The following LTN1 variants were observed in gnomAD, a reference collection of about 807,000 sequenced individuals.
LTN1 encodes the protein listerin E3 ubiquitin protein ligase 1.
In LTN1, 88 loss-of-function variants were observed where a neutral mutation model predicts 201.2. The ratio of observed to expected loss-of-function variants is 0.44; its 90% CI spans 0.37 to 0.52. The LOEUF is 0.52. Ranked by LOEUF, LTN1 falls within the 20% of genes least tolerant of loss-of-function variation. The pLI, the probability that LTN1 is intolerant of heterozygous loss-of-function variation, is 0.00. For synonymous variants in LTN1, 645 were observed against 713.5 expected (o/e 0.90, Z 1.53); for missense variants, 1,752 against 2,038.7 (o/e 0.86, Z 2.71).
chr21:28,940,904 A>T (rs1438643813), intron 25 of LTN1, among the ~76,000 whole-genome samples: 1 of 152,162 alleles, frequency 6.6e-6, no homozygotes, highest in African/African-American at 2.4e-5. Flanking sequence ...TCTGGGCAAC[A>T]CGGTGAAACC....
intron 25 of LTN1, among the ~76,000 whole-genome samples, chr21:28,940,520 T>C (rs1413803490): frequency 1.3e-5 from 2 of 152,068 alleles, no homozygotes; most frequent in Non-Finnish European, 2.9e-5. Context: ...AAATTTCCAA[T>C]GATGTATTAA....
intron 1 of LTN1, 44 bp downstream of exon 1, chr21:28,992,720 C>G: frequency 1.2e-6 from 2 of 1,611,698 alleles, no homozygotes; most frequent in South Asian, 1.1e-5. Context: ...AGCCAGCCGC[C>G]TCGAAGCGAG....
intron 17 of LTN1, among the ~76,000 whole-genome samples, 197 bp downstream of exon 17, chr21:28,953,020 A>T (rs1356241168): frequency 6.6e-6 from 1 of 152,244 alleles, no homozygotes; most frequent in Non-Finnish European, 1.5e-5. Flanking sequence ...TAAGACAGGC[A>T]GAATACAAAT....
At chr21:28,988,189 A>G (rs2084715670) in intron 1 of LTN1, among the ~76,000 whole-genome samples, 2 of 150,560 alleles carry the variant, frequency 1.3e-5, no homozygotes, top group African/African-American at 2.4e-5. Flanking sequence ...CATACCGGCC[A>G]GGCAAGGTGG....
At chr21:28,972,458 G>A (rs2084582985) in intron 6 of LTN1, among the ~76,000 whole-genome samples, 1 of 150,274 alleles carries the variant, frequency 6.7e-6, no homozygotes, top group African/African-American at 2.5e-5. Flanking sequence ...ATATCCACGG[G>A]TTCCTCATCT....
chr21:28,960,946 C>T (rs912030081), intron 11 of LTN1: 4 of 334,778 alleles, frequency 1.2e-5, no homozygotes, highest in Admixed American at 9.2e-5. Flanking sequence ...CCCACCCCCC[C>T]CTTTTTTTTT....
intron 6 of LTN1, among the ~76,000 whole-genome samples, chr21:28,973,586 G>C (rs1188760622): frequency 6.6e-6 from 1 of 151,992 alleles, no homozygotes; most frequent in Non-Finnish European, 1.5e-5. Context: ...CAAACTTCTA[G>C]CTATGCCAAG....
intron 11 of LTN1, 54 bp from the exon 12 acceptor site, chr21:28,960,760 G>A: frequency 8.2e-7 from 1 of 1,221,676 alleles, no homozygotes; most frequent in Admixed American, 1.9e-5. Context: ...TACTCTCTCT[G>A]TCCAAAATAT....
chr21:28,971,493 A>G (rs2084574793), intron 6 of LTN1, 49 bp from the exon 7 acceptor site: 2 of 1,546,302 alleles, frequency 1.3e-6, no homozygotes, highest in African/African-American at 2.7e-5. Context: ...AAAACTTGAT[A>G]AGATTTTTAA....
chr21:28,944,687 T>C (rs1170266608), intron 21 of LTN1, 91 bp from the exon 22 acceptor site: 5 of 915,046 alleles, frequency 5.5e-6, no homozygotes, highest in Non-Finnish European at 6.6e-6. Context: ...CACTTTCATT[T>C]CTTTGAATTT....
intron 24 of LTN1, 64 bp downstream of exon 24, chr21:28,943,196 TAA>T (rs1601169386): frequency 2.1e-6 from 2 of 950,266 alleles, no homozygotes; most frequent in Non-Finnish European, 3.3e-6. Flanking sequence ...TTCAGTCCTC[TAA>T]AGACATTATA....
chr21:28,971,224 C>G, intron 7 of LTN1, 47 bp downstream of exon 7: 1 of 1,422,516 alleles, frequency 7.0e-7, no homozygotes, highest in South Asian at 1.4e-5. Context: ...ATATTCTTAT[C>G]TCATAGGTTC....
At chr21:28,991,587 G>C (rs2705659) in intron 1 of LTN1, among the ~76,000 whole-genome samples, 57,120 of 152,134 alleles carry the variant, frequency 0.38, 11,994 homozygotes, top group South Asian at 0.48. Flanking sequence ...TGTAGGTAAA[G>C]AGTATATGGG....
chr21:28,932,751 A>G, intron 27 of LTN1, 87 bp from the exon 28 acceptor site: 1 of 863,894 alleles, frequency 1.2e-6, no homozygotes, highest in Non-Finnish European at 1.8e-6. Context: ...TAAAAGCTAA[A>G]GACTTCATTC....
chr21:28,941,297 C>A lies in LTN1; in HGVS notation c.4405G>T (p.Glu1469Ter). 1 of 1,613,310 alleles carries A rather than the reference C, an allele frequency of 6.2e-7. No individual in the cohort carries two copies. The highest frequency in any genetic ancestry group is 8.5e-7 in the Non-Finnish European group (1 of 1,179,484). ...GQIVTIKPLS[E>*]DFCYVLGYLL... The stretch of plus-strand genomic sequence containing the variant: ...TATCCCAGAACATAACAGAAGTCTT[C>A]ACTCAGTGGTTTAATAGTAACTATC... Residue 1469 changes from glutamate (E) to a stop codon, truncating the protein, a stop_gained, in exon 25 of 30, where the codon GAA becomes TAA. Coordinates refer to ENST00000361371, the MANE Select transcript of LTN1 (RefSeq NM_015565.3). LOFTEE classifies it high-confidence loss of function.
chr21:28,928,526 T>A lies in LTN1; in HGVS notation c.*1922A>T, dbSNP rs543089919. The A allele has an allele frequency of 3.7e-4, 57 of 152,240 alleles. No individual in the cohort carries two copies. The highest frequency in any genetic ancestry group is 1.3e-3 in the African/African-American group (52 of 41,546). 9.4% of individuals were successfully genotyped at this position (152,240 alleles called of 1,614,324 possible). ...AAAATTTTAAGGGCTGTAATCCTTT[T>A]AGTTAGAGTTGTCAACGCTGTACAG... On this transcript the variant is annotated 3_prime_UTR_variant, in exon 30 of 30. Coordinates refer to ENST00000361371, the MANE Select transcript of LTN1 (RefSeq NM_015565.3).
intron 22 of LTN1, 70 bp from the exon 23 acceptor site, chr21:28,943,974 C>T (rs555925394): frequency 5.4e-4 from 376 of 695,742 alleles, no homozygotes; most frequent in Middle Eastern, 4.9e-3. Context: ...GATTCACAAA[C>T]AATCAAATGT....
intron 28 of LTN1, among the ~76,000 whole-genome samples, chr21:28,931,929 G>A (rs2146251626): frequency 1.3e-5 from 2 of 152,152 alleles, no homozygotes; most frequent in Non-Finnish European, 2.9e-5. Context: ...GCTTGAACTG[G>A]GAGGCAGAGG....
intron 25 of LTN1, 111 bp from the exon 26 acceptor site, chr21:28,936,808 C>A: frequency 1.4e-6 from 1 of 735,588 alleles, no homozygotes. Context: ...AGCAGACATT[C>A]TATCCCCTCA....
Sources: gnomAD v4.1 joint callset for allele counts (sites outside exome capture counted in the v4.1 genomes callset) on GRCh38, gnomAD v4.1.1 for gene constraint, MANE v1.5 for transcripts, NCBI Gene and HGNC (gene_info 2026-07-23, HGNC 2026-07-21) for gene names.